Variants in FBRSL1 observed in about 807,000 individuals in gnomAD.
FBRSL1 encodes the protein fibrosin like 1, also known as fibrosin-1-like protein.
A neutral mutation model predicts 89.6 loss-of-function variants in FBRSL1; 51 were observed. The observed-to-expected ratio is 0.57, with a 90% CI of 0.45 to 0.72. The LOEUF (loss-of-function observed/expected upper bound fraction) is 0.72, where lower values mean the gene tolerates loss of function less well. Among genes scored for constraint, FBRSL1 ranks in the 30% least tolerant of loss-of-function variants. FBRSL1 has a pLI of 0.00. For missense variants in FBRSL1, 1,618 were observed against 1,451.8 expected (o/e 1.11, Z -1.86); for synonymous variants, 779 against 681.1 (o/e 1.14, Z -2.24).
At chr12:132,519,637 G>A (rs1289492512) in intron 2 of FBRSL1, among the ~76,000 whole-genome samples, 5 of 152,192 alleles carry the variant, frequency 3.3e-5, no homozygotes, top group Non-Finnish European at 1.5e-5. Flanking sequence ...CTGGCTGGGC[G>A]CGGTGGCTCA....
Position 132,572,194 on chromosome 12 carries a change from C to T in FBRSL1, c.1378-94C>T, listed in dbSNP as rs1056520818. ...CAGCCTCAGGAAGCACAACGCCGTC[C>T]TGTCACTGCCCAGCCCGGCCAGGTG... On this transcript the variant is annotated intron_variant, in intron 9 of 18. Coordinates refer to ENST00000680143, the MANE Select transcript of FBRSL1 (RefSeq NM_001367871.1). The T allele has an allele frequency of 2.5e-6, 3 of 1,185,794 alleles. No homozygotes were observed. The African/African-American group carries it at 4.6e-5, about 18-fold the overall frequency. The allele number at this position is 1,185,794 out of a possible 1,614,324, so 73.5% of individuals were successfully genotyped here.
chr12:132,519,067 G>A (rs533913253), intron 2 of FBRSL1, among the ~76,000 whole-genome samples: 6 of 152,382 alleles, frequency 3.9e-5, no homozygotes, highest in South Asian at 2.1e-4. Context: ...CGCACTGGGC[G>A]GGCAGTACCC....
At chr12:132,572,007 A>C (rs548669540) in intron 9 of FBRSL1, 1 of 513,422 alleles carries the variant, frequency 1.9e-6, no homozygotes, top group Non-Finnish European at 3.4e-6. Context: ...CCAGGGCTTC[A>C]CGCCCCAGGC....
chr12:132,563,451 T>C (rs1190789005), intron 5 of FBRSL1, among the ~76,000 whole-genome samples: 1 of 149,828 alleles, frequency 6.7e-6, no homozygotes, highest in Non-Finnish European at 1.5e-5. Context: ...GCCTGCACCA[T>C]GTCTGGGGTT....
At chr12:132,538,760 G>A (rs1049624631) in intron 4 of FBRSL1, among the ~76,000 whole-genome samples, 3 of 152,202 alleles carry the variant, frequency 2.0e-5, no homozygotes, top group African/African-American at 7.2e-5. Flanking sequence ...GGTAATTAGT[G>A]CTTTGTTGTG....
intron 2 of FBRSL1, among the ~76,000 whole-genome samples, chr12:132,512,498 A>T (rs1160860922): frequency 1.3e-5 from 2 of 152,202 alleles, no homozygotes; most frequent in Non-Finnish European, 2.9e-5. Context: ...GCCATCTCAG[A>T]GTCACCCACA....
chr12:132,539,732 GC>G (rs1398047117), intron 4 of FBRSL1, among the ~76,000 whole-genome samples: 1 of 26,904 alleles, frequency 3.7e-5, no homozygotes, highest in African/African-American at 1.8e-4. Flanking sequence ...CCAGCCCCGT[GC>G]CCCCACCCAC....
At chr12:132,541,703 C>T (rs879376977) in intron 4 of FBRSL1, among the ~76,000 whole-genome samples, 4 of 152,248 alleles carry the variant, frequency 2.6e-5, no homozygotes, top group South Asian at 4.1e-4. Context: ...TGGGGGCTGC[C>T]GGTGCCACGC....
At chr12:132,543,273 A>G (rs1394830763) in intron 4 of FBRSL1, among the ~76,000 whole-genome samples, 1 of 152,214 alleles carries the variant, frequency 6.6e-6, no homozygotes, top group Non-Finnish European at 1.5e-5. Flanking sequence ...AGATGAGGAA[A>G]CAGGCTCGGA....
At chr12:132,536,173 CGAT>C (rs896905511) in intron 4 of FBRSL1, among the ~76,000 whole-genome samples, 8 of 140,362 alleles carry the variant, frequency 5.7e-5, no homozygotes, top group African/African-American at 1.9e-4. Context: ...ACTGTGTACA[CGAT>C]GGTGTGTGAG....
At chr12:132,572,187 C>A in intron 9 of FBRSL1, 101 bp from the exon 10 acceptor site, 1 of 1,096,390 alleles carries the variant, frequency 9.1e-7, no homozygotes, top group Non-Finnish European at 1.3e-6. Flanking sequence ...GGAAGCACAA[C>A]GCCGTCCTGT....
chr12:132,570,161 G>A lies in FBRSL1; in HGVS notation c.927G>A (p.Leu309=). ...PQPPPPQPRG[L]LPTHVPASLG... ...CGCCACCCCCGCAGCCCCGCGGCCT[G>A]CTCCCGACACACGTGCCTGCATCCC... Residue 309 remains leucine (L), a synonymous_variant, in exon 7 of 19, where the codon CTG becomes CTA. Coordinates refer to ENST00000680143, the MANE Select transcript of FBRSL1 (RefSeq NM_001367871.1). 1.3e-6 allele frequency: 2 copies of A among 1,498,328 alleles called. No homozygotes were observed. The highest frequency in any genetic ancestry group is 1.8e-6 in the Non-Finnish European group (2 of 1,132,244). 92.8% of individuals were successfully genotyped at this position (1,498,328 alleles called of 1,614,324 possible). A position where few individuals can be genotyped will look rare whatever the true frequency, so the allele number is the denominator to read the frequency against.
At chr12:132,492,510 T>C (rs2031216235) in intron 1 of FBRSL1, among the ~76,000 whole-genome samples, 1 of 152,184 alleles carries the variant, frequency 6.6e-6, no homozygotes, top group Non-Finnish European at 1.5e-5. Context: ...GAGCTCGATG[T>C]GTAGAAAGTG....
At chr12:132,570,655 T>C (rs781733420) in intron 8 of FBRSL1, 115 bp downstream of exon 8, 1 of 946,908 alleles carries the variant, frequency 1.1e-6, no homozygotes, top group Non-Finnish European at 1.5e-6. Context: ...CTGCGGACCC[T>C]GCGCGCCTCT....
At chr12:132,538,844 C>T (rs2036976566) in intron 4 of FBRSL1, among the ~76,000 whole-genome samples, 2 of 152,282 alleles carry the variant, frequency 1.3e-5, no homozygotes, top group South Asian at 4.1e-4. Context: ...CAGGACCCAC[C>T]ACCCGGTTAT....
intron 4 of FBRSL1, among the ~76,000 whole-genome samples, chr12:132,528,608 G>T (rs1212585283): frequency 1.3e-5 from 2 of 151,804 alleles, no homozygotes; most frequent in African/African-American, 4.8e-5. Context: ...TGTCTGCCTG[G>T]GGGGAGCGGG....
rs561142710 is a variant in FBRSL1, at chr12:132,528,124, G to C, written c.615+136G>C. ...CGCTTTCCCTCTGGAGCCCCAGACT[G>C]GTTCTGGCCTCAAACACCATGGGGT... On this transcript the variant is annotated intron_variant, in intron 4 of 18. Coordinates refer to ENST00000680143, the MANE Select transcript of FBRSL1 (RefSeq NM_001367871.1). 291 of 783,294 alleles carry C rather than the reference G, an allele frequency of 3.7e-4. No individual in the cohort carries two copies. The African/African-American group carries it at 4.5e-3, about 12-fold the overall frequency. The allele number at this position is 783,294 out of a possible 1,614,324, so 48.5% of individuals were successfully genotyped here. A position where few individuals can be genotyped will look rare whatever the true frequency, so the allele number is the denominator to read the frequency against.
At chr12:132,548,999 C>A (rs534174863) in intron 5 of FBRSL1, among the ~76,000 whole-genome samples, 2 of 152,294 alleles carry the variant, frequency 1.3e-5, no homozygotes, top group South Asian at 4.1e-4. Flanking sequence ...TGGCCCGTGG[C>A]CTGGCAGGAG....
Position 132,508,255 on chromosome 12 carries a change from G to A in FBRSL1, c.394G>A (p.Glu132Lys). ...SETCPPAEPS[E>K]NRRPLEAGSP... ...AACCTGCCCCCCTGCGGAGCCCAGT[G>A]AGAACAGGCGGCCCCTGGAGGCAGG... The change falls in exon 2 of 19, where the codon GAG becomes AAG. Residue 132 changes from glutamate to lysine, a missense_variant. Transcript: ENST00000680143. 6.4e-7 allele frequency: 1 copy of A among 1,550,816 alleles called. No individual in the cohort carries two copies. The highest frequency in any genetic ancestry group is 8.7e-7 in the Non-Finnish European group (1 of 1,146,904).
Sources: allele counts gnomAD v4.1 joint callset (sites outside exome capture counted in the v4.1 genomes callset), GRCh38; gene constraint gnomAD v4.1.1; transcripts MANE v1.5; gene names NCBI Gene and HGNC (gene_info 2026-07-23, HGNC 2026-07-21).